Variants in SFXN5 observed in about 807,000 individuals in gnomAD.
SFXN5 encodes sideroflexin-5.
A neutral mutation model predicts 50.2 loss-of-function variants in SFXN5; 43 were observed. That is an observed-to-expected ratio of 0.86 (90% CI 0.67 to 1.11). SFXN5 has a LOEUF of 1.11. Among genes scored for constraint, SFXN5 ranks in the 50% least tolerant of loss-of-function variants. The pLI is 0.00. For missense variants in SFXN5, 463 were observed against 454.1 expected (o/e 1.02, Z -0.18); for synonymous variants, 203 against 185.8 (o/e 1.09, Z -0.75).
At chr2:73,013,501 T>C (rs941069948) in intron 6 of SFXN5, among the ~76,000 whole-genome samples, 10 of 151,050 alleles carry the variant, frequency 6.6e-5, no homozygotes, top group Non-Finnish European at 1.0e-4. Context: ...CCAAACACCA[T>C]TGCATTGAAA....
chr2:73,000,963 C>T (rs1559140268), intron 7 of SFXN5, among the ~76,000 whole-genome samples: 1 of 152,232 alleles, frequency 6.6e-6, no homozygotes, highest in African/African-American at 2.4e-5. Flanking sequence ...TCAGGGAAGA[C>T]TGACATTTTC....
chr2:72,955,414 G>A (rs1371442194), intron 13 of SFXN5, among the ~76,000 whole-genome samples: 1 of 152,214 alleles, frequency 6.6e-6, no homozygotes, highest in African/African-American at 2.4e-5. Context: ...TGTATGTGCA[G>A]CCCCGTTCCC....
intron 9 of SFXN5, among the ~76,000 whole-genome samples, chr2:72,990,137 C>T (rs1672401711): frequency 6.6e-6 from 1 of 152,246 alleles, no homozygotes; most frequent in Non-Finnish European, 1.5e-5. Context: ...AGTGCTGGTC[C>T]GCCAGCCCCG....
rs1034180004 is a variant in SFXN5 at position 72,960,465 on chromosome 2, C to T, written c.945+666G>A. 2.0e-5 allele frequency among the ~76,000 whole-genome samples: 3 copies of T among 152,126 alleles called. No individual in the cohort carries two copies. The highest frequency in any genetic ancestry group is 7.2e-5 in the African/African-American group (3 of 41,436). Reference sequence around the variant, plus strand: ...CCACTGCCAACAGCCTGGTCCAAGCCGCCATCACCGCTTGCTGGATGCCCG... The same window carrying T: ...CCACTGCCAACAGCCTGGTCCAAGCTGCCATCACCGCTTGCTGGATGCCCG... On this transcript the variant is annotated intron_variant, in intron 13 of 13. Coordinates refer to ENST00000272433, the MANE Select transcript of SFXN5 (RefSeq NM_144579.3). This position sits in a 1 kb window ranked among gnomAD's most constrained non-coding sequence, Gnocchi z 6.1.
chr2:73,004,345 A>G (rs1358567643), intron 6 of SFXN5, among the ~76,000 whole-genome samples: 5 of 151,832 alleles, frequency 3.3e-5, no homozygotes, highest in Non-Finnish European at 2.9e-5. Flanking sequence ...ACACACACAC[A>G]CACACACTCC....
At chr2:73,055,356 G>C (rs1014411716) in intron 2 of SFXN5, among the ~76,000 whole-genome samples, 5 of 152,214 alleles carry the variant, frequency 3.3e-5, no homozygotes, top group African/African-American at 9.7e-5. Context: ...AGAACCATAT[G>C]CATGAGGCTT....
In SFXN5 at chr2:73,009,958, A is replaced by G. The variant is rs1482334354; in HGVS notation, c.358-8380T>C. ...AGTTCTTCCCACTTGATGGCAGCTG[A>G]TAATTGTGTAAGGGTCCATTTGGCT... On this transcript the variant is annotated intron_variant, in intron 6 of 13. Transcript: ENST00000272433. Among the ~76,000 whole-genome samples, 5 of 152,228 alleles carry G rather than the reference A, an allele frequency of 3.3e-5. No homozygotes were observed. The East Asian group carries it at 5.8e-4, about 18-fold the overall frequency.
At chr2:73,005,304 T>G (rs1324421448) in intron 6 of SFXN5, among the ~76,000 whole-genome samples, 1 of 152,240 alleles carries the variant, frequency 6.6e-6, no homozygotes, top group African/African-American at 2.4e-5. Flanking sequence ...AGCTGTGCTC[T>G]CTGCACATCC....
chr2:72,987,008 C>T (rs889493836), intron 10 of SFXN5, among the ~76,000 whole-genome samples: 2 of 152,242 alleles, frequency 1.3e-5, no homozygotes, highest in African/African-American at 4.8e-5. Flanking sequence ...ATGGACCCCT[C>T]TCAGAATAAT....
chr2:73,064,582 C>T lies in SFXN5; in HGVS notation c.103-5986G>A, dbSNP rs1237814173. ...ACTTTATTTCAAGCAAACTATGAGACATATCCCCCCTGCCTCCCAACTCTC... is the reference window on the plus strand; with the variant it reads ...ACTTTATTTCAAGCAAACTATGAGATATATCCCCCCTGCCTCCCAACTCTC... On this transcript the variant is annotated intron_variant, in intron 1 of 13. Transcript: ENST00000272433. 1.2e-4 allele frequency among the ~76,000 whole-genome samples: 18 copies of T among 152,300 alleles called. No homozygotes were observed. In the South Asian group the frequency reaches 3.5e-3, roughly 30 times the overall value.
intron 13 of SFXN5, among the ~76,000 whole-genome samples, chr2:72,946,687 T>TC (rs755509956): frequency 6.6e-6 from 1 of 152,036 alleles, no homozygotes; most frequent in East Asian, 1.9e-4. Context: ...GACGCCGCCA[T>TC]CCAGTGGTGC....
Position 72,968,475 on chromosome 2 carries a change from G to T in SFXN5, c.800C>A (p.Pro267His). The T allele has an allele frequency of 6.2e-7, 1 of 1,613,152 alleles. No individual in the cohort carries two copies. ...VVLPMPILVL[P>H]PIVMSMLEKT... Reference sequence around the variant, plus strand: ...CTCCAGCATGGACATGACGATCGGGGGTAGCACCAGGATGGGCATGGGCAG... The same window carrying T: ...CTCCAGCATGGACATGACGATCGGGTGTAGCACCAGGATGGGCATGGGCAG... Residue 267 changes from proline (P) to histidine (H), a missense_variant, in exon 12 of 14, where the codon CCC becomes CAC. By Grantham distance (77) the Pro-to-His change is moderately conservative. Transcript: ENST00000272433.
chr2:73,015,923 G>A (rs914922765), intron 6 of SFXN5, among the ~76,000 whole-genome samples: 1 of 148,102 alleles, frequency 6.8e-6, no homozygotes, highest in Non-Finnish European at 1.5e-5. Flanking sequence ...GGGAGACAGA[G>A]TGATACCTTG....
intron 13 of SFXN5, among the ~76,000 whole-genome samples, chr2:72,946,743 T>A (rs1050784246): frequency 6.6e-6 from 1 of 151,818 alleles, no homozygotes; most frequent in African/African-American, 2.4e-5. Context: ...TCCCCGTCCC[T>A]CCCCACAAGG....
At chr2:72,978,604 A>G (rs371643257) in intron 10 of SFXN5, among the ~76,000 whole-genome samples, 3 of 152,240 alleles carry the variant, frequency 2.0e-5, no homozygotes, top group East Asian at 3.9e-4. Flanking sequence ...AAATTTTAAG[A>G]GATTGATAAT....
In SFXN5 at chr2:73,057,093, A is replaced by G. The variant is rs113767701; in HGVS notation, c.171+1435T>C. 1.9e-3 allele frequency among the ~76,000 whole-genome samples: 284 copies of G among 152,358 alleles called. 2 individuals carry two copies. The highest frequency in any genetic ancestry group is 5.3e-3 in the African/African-American group (220 of 41,578). ...TTCAATGGGACACTACTCAGCAGTAAGAAGGGATTAACTACTAATACATGC... is the reference window on the plus strand; with the variant it reads ...TTCAATGGGACACTACTCAGCAGTAGGAAGGGATTAACTACTAATACATGC... On this transcript the variant is annotated intron_variant, in intron 2 of 13. Transcript: ENST00000272433.
At position 73,023,230 on chromosome 2, in the gene SFXN5, A is replaced by C; in HGVS notation, c.250-16T>G. On this transcript the variant is annotated splice_polypyrimidine_tract_variant and intron_variant, in intron 3 of 13. Transcript: ENST00000272433. ...CACTCCAGAGCTGGAAGAGAGATAA[A>C]GGAAAAGAAAATAAAGAACAAAAAT... 1 of 1,594,376 alleles carries C rather than the reference A, an allele frequency of 6.3e-7. No homozygotes were observed. Among genetic ancestry groups the C allele is most frequent in the Non-Finnish European group, 8.5e-7 (1 of 1,169,646 alleles).
At chr2:72,952,190 C>T (rs184891335) in intron 13 of SFXN5, among the ~76,000 whole-genome samples, 1 of 152,296 alleles carries the variant, frequency 6.6e-6, no homozygotes, top group East Asian at 1.9e-4. Flanking sequence ...GCTTCTTCAC[C>T]CATCAACTGC....
At chr2:72,988,389 T>C (rs1214515049) in intron 9 of SFXN5, 41 bp from the exon 10 acceptor site, 1 of 1,564,530 alleles carries the variant, frequency 6.4e-7, no homozygotes, top group Non-Finnish European at 8.7e-7. Context: ...AAGTACATGA[T>C]GCTGCAGTGG....
Sources: gnomAD v4.1 joint callset for allele counts (sites outside exome capture counted in the v4.1 genomes callset) on GRCh38, gnomAD v4.1.1 for gene constraint, Gnocchi (gnomAD v3.1) non-coding constraint, MANE v1.5 for transcripts, NCBI Gene and HGNC (gene_info 2026-07-23, HGNC 2026-07-21) for gene names.